The following HTR1E variants were observed in gnomAD, a reference collection of about 807,000 sequenced individuals.
The protein encoded by HTR1E is 5-hydroxytryptamine receptor 1E.
A neutral mutation model predicts 3.4 loss-of-function variants in HTR1E; 3 were observed. The observed-to-expected ratio is 0.89, with a 90% confidence interval of 0.41 to 2.31. The LOEUF (loss-of-function observed/expected upper bound fraction) is 2.31. HTR1E is among the 30% of genes most tolerant of loss of function. The pLI is 0.05. For missense variants in HTR1E, 392 were observed against 467.0 expected (o/e 0.84, Z 1.48); for synonymous variants, 170 against 182.8 (o/e 0.93, Z 0.56).
At chr6:86,976,367 C>T (rs951162631) in intron 1 of HTR1E, among the ~76,000 whole-genome samples, 54 of 152,150 alleles carry the variant, frequency 3.5e-4, no homozygotes, top group African/African-American at 1.2e-3. Flanking sequence ...TTATCAGCCC[C>T]AAAGCAGTGC....
intron 1 of HTR1E, among the ~76,000 whole-genome samples, chr6:86,969,637 C>T (rs1767520098): frequency 6.6e-6 from 1 of 152,134 alleles, no homozygotes; most frequent in African/African-American, 2.4e-5. Flanking sequence ...TTCTTCACTC[C>T]CAGCTTTTAG....
intron 1 of HTR1E, among the ~76,000 whole-genome samples, chr6:86,944,482 C>T (rs1238356068): frequency 6.6e-6 from 1 of 152,174 alleles, no homozygotes; most frequent in Middle Eastern, 3.2e-3. Flanking sequence ...ATATAAAGCT[C>T]TATACAATAT....
intron 1 of HTR1E, among the ~76,000 whole-genome samples, chr6:86,993,088 G>T (rs900064907): frequency 6.6e-6 from 1 of 152,042 alleles, no homozygotes; most frequent in Admixed American, 6.6e-5. Context: ...GCAAGACCTG[G>T]AAGTAGCACA....
At chr6:87,002,401 A>G (rs1051076044) in intron 1 of HTR1E, among the ~76,000 whole-genome samples, 2 of 152,272 alleles carry the variant, frequency 1.3e-5, no homozygotes, top group African/African-American at 4.8e-5. Flanking sequence ...AAGTGTCCAC[A>G]GTATGGAAGG....
At chr6:86,991,983 C>T (rs1008583160) in intron 1 of HTR1E, among the ~76,000 whole-genome samples, 1 of 152,104 alleles carries the variant, frequency 6.6e-6, no homozygotes, top group Non-Finnish European at 1.5e-5. Context: ...CTTGCATCAC[C>T]TTTCTGCCAC....
chr6:86,966,374 T>C (rs1164722645), intron 1 of HTR1E, among the ~76,000 whole-genome samples: 1 of 152,220 alleles, frequency 6.6e-6, no homozygotes, highest in Admixed American at 6.5e-5. Context: ...ATCCAGTTAT[T>C]AGCATCATCC....
chr6:86,968,777 T>C (rs1341325229), intron 1 of HTR1E, among the ~76,000 whole-genome samples: 1 of 152,200 alleles, frequency 6.6e-6, no homozygotes. Context: ...ATGGTATTTT[T>C]ACGTTACAGA....
chr6:87,005,635 TACA>T (rs944668761), intron 1 of HTR1E, among the ~76,000 whole-genome samples: 8 of 152,112 alleles, frequency 5.3e-5, no homozygotes, highest in African/African-American at 1.7e-4. Context: ...ACTATGAAAC[TACA>T]ACAAGAAAAC....
chr6:86,979,748 C>G lies in HTR1E; in HGVS notation c.-185-35402C>G, dbSNP rs146268142. Reference sequence around the variant, plus strand: ...AATTGAAGAGATTTTAATGAAAGTACTATTTACAAAAGAGTAAAAGATGGG... The same window carrying G: ...AATTGAAGAGATTTTAATGAAAGTAGTATTTACAAAAGAGTAAAAGATGGG... On this transcript the variant is annotated intron_variant, in intron 1 of 1. Coordinates refer to ENST00000305344, the MANE Select transcript of HTR1E (RefSeq NM_000865.3). 7.1e-3 allele frequency among the ~76,000 whole-genome samples: 1,076 copies of G among 152,208 alleles called. 12 individuals are homozygous for G. Among genetic ancestry groups the G allele is most frequent in the African/African-American group, 0.024 (1,015 of 41,538 alleles).
At chr6:86,964,417 T>G (rs768379421) in intron 1 of HTR1E, among the ~76,000 whole-genome samples, 8 of 152,246 alleles carry the variant, frequency 5.3e-5, no homozygotes, top group African/African-American at 9.6e-5. Context: ...ATGCAATAAA[T>G]GTAAGAATCA....
chr6:87,005,672 T>C (rs900571134), intron 1 of HTR1E, among the ~76,000 whole-genome samples: 6 of 152,084 alleles, frequency 3.9e-5, no homozygotes, highest in Non-Finnish European at 5.9e-5. Flanking sequence ...TCCAAGACAT[T>C]AGTCTGGACA....
intron 1 of HTR1E, among the ~76,000 whole-genome samples, chr6:87,014,116 C>T (rs567327143): frequency 6.6e-6 from 1 of 151,918 alleles, no homozygotes; most frequent in South Asian, 2.1e-4. Flanking sequence ...GTCGTGGGGT[C>T]GGGGGACGGG....
intron 1 of HTR1E, among the ~76,000 whole-genome samples, chr6:86,958,093 C>G (rs985997854): frequency 3.5e-5 from 5 of 144,416 alleles, no homozygotes; most frequent in Non-Finnish European, 6.0e-5. Flanking sequence ...GAGTCTCGCT[C>G]TGTCGCCCAG....
chr6:86,964,963 C>G (rs1283076530), intron 1 of HTR1E, among the ~76,000 whole-genome samples: 1 of 152,178 alleles, frequency 6.6e-6, no homozygotes, highest in African/African-American at 2.4e-5. Context: ...ACTTCATTCA[C>G]CCACAGATTT....
intron 1 of HTR1E, among the ~76,000 whole-genome samples, chr6:87,005,846 GAAT>G (rs1054536369): frequency 2.0e-5 from 3 of 152,018 alleles, no homozygotes; most frequent in African/African-American, 7.2e-5. Flanking sequence ...TCTGACAATA[GAAT>G]AATAACCAGA....
chr6:86,969,545 G>T (rs571786257), intron 1 of HTR1E, among the ~76,000 whole-genome samples: 1 of 152,278 alleles, frequency 6.6e-6, no homozygotes, highest in East Asian at 1.9e-4. Context: ...GGCAAAGAAT[G>T]AATCAAGTGT....
At chr6:86,958,781 T>C (rs1160458968) in intron 1 of HTR1E, among the ~76,000 whole-genome samples, 2 of 152,194 alleles carry the variant, frequency 1.3e-5, no homozygotes, top group Non-Finnish European at 1.5e-5. Context: ...AAGACATTTG[T>C]TTCAAGAGAT....
At chr6:86,944,235 T>C (rs1254538724) in intron 1 of HTR1E, among the ~76,000 whole-genome samples, 1 of 152,256 alleles carries the variant, frequency 6.6e-6, no homozygotes, top group East Asian at 1.9e-4. Context: ...TGGCTTCTGC[T>C]GTGTTCCTCA....
At position 87,015,357 on chromosome 6, in the gene HTR1E, C is replaced by T. The variant is rs1562076153; in HGVS notation, c.23C>T (p.Thr8Ile). The T allele has an allele frequency of 1.9e-6, 3 of 1,578,856 alleles. No individual in the cohort carries two copies. Among genetic ancestry groups the T allele is most frequent in the Non-Finnish European group, 2.6e-6 (3 of 1,158,542 alleles). The change falls in exon 2 of 2, where the codon ACA becomes ATA. Residue 8 changes from threonine to isoleucine, a missense_variant. Coordinates refer to ENST00000305344, the MANE Select transcript of HTR1E (RefSeq NM_000865.3). MNITNCT[T>I]EASMAIRPKT... ...AACATGAACATCACAAACTGTACCACAGAGGCCAGCATGGCTATAAGACCC... is the reference window on the plus strand; with the variant it reads ...AACATGAACATCACAAACTGTACCATAGAGGCCAGCATGGCTATAAGACCC...
Sources: allele counts gnomAD v4.1 joint callset (sites outside exome capture counted in the v4.1 genomes callset), GRCh38; gene constraint gnomAD v4.1.1; transcripts MANE v1.5; gene names NCBI Gene and HGNC (gene_info 2026-07-23, HGNC 2026-07-21).